The following EPHA6 variants were observed in gnomAD, a reference collection of about 807,000 sequenced individuals.
The protein encoded by EPHA6 is ephrin type-A receptor 6.
In EPHA6, 50 loss-of-function variants were observed where a neutral mutation model predicts 112.0. The observed-to-expected ratio is 0.45, with a 90% CI of 0.36 to 0.56. EPHA6 has a LOEUF of 0.56. Among genes scored for constraint, EPHA6 ranks in the 20% least tolerant of loss-of-function variants. The pLI is 0.00. For synonymous variants in EPHA6, 529 were observed against 490.7 expected (o/e 1.08, Z -1.03); for missense variants, 1,280 against 1,417.4 (o/e 0.90, Z 1.56).
At chr3:97,482,093 TC>T (rs2091569541) in intron 9 of EPHA6, among the ~76,000 whole-genome samples, 1 of 152,236 alleles carries the variant, frequency 6.6e-6, no homozygotes, top group South Asian at 2.1e-4. Flanking sequence ...AAATTGGAAT[TC>T]AGTTTGGTTG....
At chr3:97,004,261 C>T (rs538799049) in intron 3 of EPHA6, among the ~76,000 whole-genome samples, 33 of 152,150 alleles carry the variant, frequency 2.2e-4, no homozygotes, top group African/African-American at 6.5e-4. Flanking sequence ...TTCACACCAA[C>T]GATGTAAAAG....
chr3:96,996,262 C>T (rs1443179261), intron 3 of EPHA6, among the ~76,000 whole-genome samples: 1 of 152,050 alleles, frequency 6.6e-6, no homozygotes, highest in Non-Finnish European at 1.5e-5. Context: ...TCCACAACAT[C>T]TGCAGTTATT....
At chr3:97,474,350 TTTAAG>T (rs775649640) in intron 7 of EPHA6, among the ~76,000 whole-genome samples, 19 of 152,056 alleles carry the variant, frequency 1.2e-4, no homozygotes, top group South Asian at 4.1e-4. Flanking sequence ...ACAAGTTTAA[TTTAAG>T]TTAAGGAACA....
At chr3:97,331,840 T>C (rs1282184367) in intron 5 of EPHA6, among the ~76,000 whole-genome samples, 1 of 152,188 alleles carries the variant, frequency 6.6e-6, no homozygotes, top group Non-Finnish European at 1.5e-5. Flanking sequence ...AAGGAGGAGC[T>C]GGTACCATTC....
At chr3:97,352,980 A>C (rs1052159934) in intron 5 of EPHA6, among the ~76,000 whole-genome samples, 1 of 152,088 alleles carries the variant, frequency 6.6e-6, no homozygotes, top group Admixed American at 6.5e-5. Flanking sequence ...AAAATAGGGC[A>C]CCAGGCAGAG....
chr3:97,304,445 C>T (rs999531285), intron 5 of EPHA6, among the ~76,000 whole-genome samples: 1 of 151,908 alleles, frequency 6.6e-6, no homozygotes, highest in Admixed American at 6.6e-5. Context: ...CAAGAAAATC[C>T]TAAGCAAAAG....
At position 97,750,417 on chromosome 3, in the gene EPHA6, T is replaced by C. The variant is rs1366248878; in HGVS notation, c.*1716T>C. Among the ~76,000 whole-genome samples the C allele has an allele frequency of 1.3e-5, 2 of 151,976 alleles. No individual in the cohort carries two copies. The highest frequency in any genetic ancestry group is 2.9e-5 in the Non-Finnish European group (2 of 67,974). On this transcript the variant is annotated 3_prime_UTR_variant, in exon 18 of 18. Transcript: ENST00000389672. ...TGTTGCCCAGGCTGGAGTGCAATGGTGAGATCTTGGCTCACGGCAACCTCT... is the reference window on the plus strand; with the variant it reads ...TGTTGCCCAGGCTGGAGTGCAATGGCGAGATCTTGGCTCACGGCAACCTCT...
chr3:97,247,426 G>T (rs909020391), intron 5 of EPHA6, among the ~76,000 whole-genome samples: 6 of 151,852 alleles, frequency 4.0e-5, no homozygotes, highest in Non-Finnish European at 8.8e-5. Context: ...TACTGCTAAG[G>T]AGAAGCCTAG....
chr3:97,633,626 A>G (rs536636913), intron 13 of EPHA6, among the ~76,000 whole-genome samples: 1 of 152,232 alleles, frequency 6.6e-6, no homozygotes, highest in African/African-American at 2.4e-5. Context: ...ACTTTAAGAA[A>G]AGGAAACAGT....
intron 13 of EPHA6, among the ~76,000 whole-genome samples, chr3:97,630,874 A>G (rs1458847965): frequency 1.3e-5 from 2 of 152,000 alleles, no homozygotes; most frequent in Non-Finnish European, 2.9e-5. Flanking sequence ...TATTGTGACA[A>G]ATCACATGTG....
At chr3:97,001,048 A>G (rs909517149) in intron 3 of EPHA6, among the ~76,000 whole-genome samples, 2 of 149,822 alleles carry the variant, frequency 1.3e-5, no homozygotes, top group Non-Finnish European at 3.0e-5. Context: ...GTGTTCGTAT[A>G]TATGTGTGTG....
chr3:97,020,187 G>A (rs1320221946), intron 3 of EPHA6, among the ~76,000 whole-genome samples: 1 of 152,164 alleles, frequency 6.6e-6, no homozygotes, highest in Non-Finnish European at 1.5e-5. Flanking sequence ...CTGCAATGAA[G>A]ATTGCAACCA....
chr3:97,368,937 C>CAT (rs1392053718), intron 5 of EPHA6, among the ~76,000 whole-genome samples: 3 of 152,102 alleles, frequency 2.0e-5, no homozygotes, highest in Non-Finnish European at 4.4e-5. Flanking sequence ...GTTGCTATGA[C>CAT]ATATAGGTTG....
chr3:97,740,902 G>A (rs1387272041), intron 16 of EPHA6, among the ~76,000 whole-genome samples: 3 of 150,048 alleles, frequency 2.0e-5, no homozygotes, highest in African/African-American at 7.4e-5. Context: ...TTTGATTCTT[G>A]TTGCTAGCAC....
At chr3:97,713,616 C>T (rs987972462) in intron 14 of EPHA6, among the ~76,000 whole-genome samples, 15 of 152,110 alleles carry the variant, frequency 9.9e-5, no homozygotes, top group Admixed American at 4.6e-4. Context: ...GACATTGATA[C>T]GAAATTGTGT....
At chr3:96,934,606 T>C (rs2040489004) in intron 2 of EPHA6, among the ~76,000 whole-genome samples, 1 of 151,456 alleles carries the variant, frequency 6.6e-6, no homozygotes, top group Non-Finnish European at 1.5e-5. Flanking sequence ...TGTATAACTA[T>C]GTTATAATAA....
intron 6 of EPHA6, among the ~76,000 whole-genome samples, chr3:97,444,769 A>G (rs1396231973): frequency 1.3e-5 from 2 of 152,136 alleles, no homozygotes; most frequent in Non-Finnish European, 2.9e-5. Context: ...TCACCAAGTT[A>G]TAGTTTTCAG....
intron 5 of EPHA6, among the ~76,000 whole-genome samples, chr3:97,303,445 AAG>A (rs141147487): frequency 2.1e-4 from 31 of 150,414 alleles, no homozygotes; most frequent in African/African-American, 2.4e-4. Context: ...AAGACCGAGC[AAG>A]AGAGAGAGAG....
At chr3:97,227,969 G>T (rs778254573) in intron 4 of EPHA6, among the ~76,000 whole-genome samples, 2 of 152,088 alleles carry the variant, frequency 1.3e-5, no homozygotes, top group Admixed American at 6.6e-5. Context: ...TGATATCAGC[G>T]GTGGAGTGGG....
Sources: gnomAD v4.1 joint callset for allele counts (sites outside exome capture counted in the v4.1 genomes callset) on GRCh38, gnomAD v4.1.1 for gene constraint, MANE v1.5 for transcripts, NCBI Gene and HGNC (gene_info 2026-07-23, HGNC 2026-07-21) for gene names.